Variants in PUM2 observed in about 807,000 individuals in gnomAD.
PUM2 encodes the protein pumilio homolog 2.
A neutral mutation model predicts 124.5 loss-of-function variants in PUM2; 57 were observed. The observed-to-expected ratio is 0.46, with a 90% CI of 0.37 to 0.57. The LOEUF is 0.57. PUM2 is among the 20% of genes least tolerant of loss of function. The pLI, the probability that PUM2 is intolerant of heterozygous loss-of-function variation, is 0.00. For missense variants in PUM2, 1,065 were observed against 1,290.6 expected, an observed-to-expected ratio of 0.83 and a Z score of 2.68; for synonymous variants, 460 against 446.1, an observed-to-expected ratio of 1.03 and a Z score of -0.39.
intron 1 of PUM2, among the ~76,000 whole-genome samples, chr2:20,337,849 C>G (rs561332076): frequency 6.6e-6 from 1 of 152,062 alleles, no homozygotes; most frequent in African/African-American, 2.4e-5. Flanking sequence ...AAGAGAATAA[C>G]AACAGAAATT....
chr2:20,313,238 A>G (rs759525472), intron 3 of PUM2, among the ~76,000 whole-genome samples: 1 of 152,248 alleles, frequency 6.6e-6, no homozygotes, highest in Non-Finnish European at 1.5e-5. Flanking sequence ...GAGCTTCCAC[A>G]CAGCAAGATA....
Position 20,278,760 on chromosome 2 carries a change from A to T in PUM2, c.1780T>A (p.Leu594Met). ...RRESLSTSSD[L>M]YKRSSSSLAP... The stretch of plus-strand genomic sequence containing the variant: ...AGGCTGCTACTAGATCTTTTGTACA[A>T]GTCAGAGCTAGTAGATAGAGACTCT... Residue 594 changes from leucine to methionine, a missense_variant, in exon 13 of 21, where the codon TTG becomes ATG. This residue lies in a region of PUM2 where 968 missense variants were observed against 1,159.8 expected (regional missense o/e 0.83). Coordinates refer to ENST00000361078, the MANE Select transcript of PUM2 (RefSeq NM_015317.5). 6.2e-7 allele frequency: 1 copy of T among 1,613,700 alleles called. No homozygotes were observed. The highest frequency in any genetic ancestry group is 1.1e-5 in the South Asian group (1 of 91,066).
At chr2:20,332,348 T>C (rs1685102790) in intron 1 of PUM2, among the ~76,000 whole-genome samples, 1 of 149,172 alleles carries the variant, frequency 6.7e-6, no homozygotes, top group African/African-American at 2.5e-5. Context: ...TTTCAGATCA[T>C]ATCTAAATGG....
intron 10 of PUM2, among the ~76,000 whole-genome samples, chr2:20,289,094 C>A (rs1453189894): frequency 6.6e-6 from 1 of 151,786 alleles, no homozygotes; most frequent in Non-Finnish European, 1.5e-5. Context: ...AGTTCAAGAC[C>A]AGCCGGCCAA....
At chr2:20,259,754 G>C (rs1665720344) in intron 15 of PUM2, among the ~76,000 whole-genome samples, 1 of 152,174 alleles carries the variant, frequency 6.6e-6, no homozygotes, top group African/African-American at 2.4e-5. Context: ...CTGGTGTTCA[G>C]GTTCCTGCTT....
In PUM2 at chr2:20,249,074, T is replaced by C. The variant is rs144272106; in HGVS notation, c.*2511A>G. On this transcript the variant is annotated 3_prime_UTR_variant, in exon 21 of 21. Transcript: ENST00000361078. ...AGCAGGCCTGAAAGTATTGGGAAGA[T>C]TGGGTTGTCAGCACTGGGACAAATG... 15 of 152,282 alleles carry C rather than the reference T, an allele frequency of 9.9e-5. No homozygotes were observed. Among genetic ancestry groups the C allele is most frequent in the African/African-American group, 3.6e-4 (15 of 41,546 alleles). The allele number at this position is 152,282 out of a possible 1,614,324, so 9.4% of individuals were successfully genotyped here.
intron 2 of PUM2, among the ~76,000 whole-genome samples, chr2:20,325,958 A>G (rs1683582313): frequency 6.6e-6 from 1 of 152,160 alleles, no homozygotes; most frequent in African/African-American, 2.4e-5. Context: ...AGCAAGTTCA[A>G]GTTTGTCATA....
chr2:20,254,888 C>A lies in PUM2; in HGVS notation c.2845G>T (p.Ala949Ser). 2 of 1,614,004 alleles carry A rather than the reference C, an allele frequency of 1.2e-6. No individual in the cohort carries two copies. Among genetic ancestry groups the A allele is most frequent in the Non-Finnish European group, 1.7e-6 (2 of 1,179,936 alleles). Reference sequence around the variant, plus strand: ...CTGGCAAATTTGTGTTGACTCAGGGCTAAAACCTTTCCCCTGATTTCGGAA... The same window carrying A: ...CTGGCAAATTTGTGTTGACTCAGGGATAAAACCTTTCCCCTGATTTCGGAA... Reference protein sequence around the residue: ...IVSEIRGKVLALSQHKFASNV... With the variant: ...IVSEIRGKVLSLSQHKFASNV... The change falls in exon 19 of 21, where the codon GCC becomes TCC. Residue 949 changes from alanine (A) to serine (S), a missense_variant. Ala to Ser is a moderately conservative substitution (Grantham distance 99). Transcript: ENST00000361078.
At chr2:20,281,271 G>C (rs1159220382) in intron 12 of PUM2, among the ~76,000 whole-genome samples, 1 of 152,150 alleles carries the variant, frequency 6.6e-6, no homozygotes, top group Non-Finnish European at 1.5e-5. Context: ...TGTAAATAAT[G>C]GAGGTGTGAA....
At position 20,270,300 on chromosome 2, in the gene PUM2, T is replaced by C. The variant is rs141322854; in HGVS notation, c.1958-6840A>G. Among the ~76,000 whole-genome samples, 490 of 152,346 alleles carry C rather than the reference T, an allele frequency of 3.2e-3. 2 individuals are homozygous for C. The highest frequency in any genetic ancestry group is 0.011 in the African/African-American group (478 of 41,576). ...CCATATCTGAATTTCCTTTTAAATATTCCAGCTGAGATTTCATGGCCAGTT... is the reference window on the plus strand; with the variant it reads ...CCATATCTGAATTTCCTTTTAAATACTCCAGCTGAGATTTCATGGCCAGTT... On this transcript the variant is annotated intron_variant, in intron 13 of 20. Transcript: ENST00000361078.
At chr2:20,321,357 T>G in intron 2 of PUM2, among the ~76,000 whole-genome samples, 1 of 152,184 alleles carries the variant, frequency 6.6e-6, no homozygotes, top group East Asian at 1.9e-4. Flanking sequence ...GAGGGGAGTC[T>G]GTAAACCACT....
At chr2:20,253,167 G>A (rs897620856) in intron 20 of PUM2, among the ~76,000 whole-genome samples, 3 of 152,144 alleles carry the variant, frequency 2.0e-5, no homozygotes, top group African/African-American at 4.8e-5. Context: ...ATAGGTAACA[G>A]ATGAGAAATG....
At chr2:20,351,076 C>G (rs1284759491), upstream of PUM2, among the ~76,000 whole-genome samples, 1 of 152,194 alleles carries the variant, frequency 6.6e-6, no homozygotes, top group Admixed American at 6.5e-5. Flanking sequence ...CTCCTGGGCT[C>G]CGCCGCGGCG....
chr2:20,324,007 T>C (rs1430207955), intron 2 of PUM2, among the ~76,000 whole-genome samples: 1 of 151,582 alleles, frequency 6.6e-6, no homozygotes, highest in Non-Finnish European at 1.5e-5. Flanking sequence ...ATGATAGTCT[T>C]CCTATTACAG....
intron 13 of PUM2, among the ~76,000 whole-genome samples, chr2:20,277,627 T>C (rs1670562332): frequency 6.6e-6 from 1 of 152,156 alleles, no homozygotes; most frequent in South Asian, 2.1e-4. Flanking sequence ...TTTTGTTTTT[T>C]TCTTTTAAAT....
intron 13 of PUM2, among the ~76,000 whole-genome samples, chr2:20,277,179 A>C (rs1396161457): frequency 2.0e-5 from 3 of 152,134 alleles, no homozygotes; most frequent in Non-Finnish European, 4.4e-5. Flanking sequence ...GGACATGACA[A>C]AATCTTAACA....
chr2:20,347,585 T>C (rs1688495859), intron 1 of PUM2, among the ~76,000 whole-genome samples: 1 of 152,232 alleles, frequency 6.6e-6, no homozygotes, highest in Non-Finnish European at 1.5e-5. Context: ...TATTGCCAAA[T>C]ATAAAAATCA....
chr2:20,255,327 T>C lies in PUM2; in HGVS notation c.2637A>G (p.Ser879=). The change falls in exon 18 of 21, where the codon TCA becomes TCG. Residue 879 remains serine (S), a synonymous_variant. Transcript: ENST00000361078. ...TTACTCTGCAGCCATAAGGATGAGT[T>C]GAAAGCACAAATACCTGAGGACAAT... ...DAFKGQVFVL[S]THPYGCRVIQ... 1 of 1,612,568 alleles carries C rather than the reference T, an allele frequency of 6.2e-7. No homozygotes were observed. Among genetic ancestry groups the C allele is most frequent in the Non-Finnish European group, 8.5e-7 (1 of 1,179,234 alleles).
chr2:20,296,076 C>T (rs552129603), intron 8 of PUM2, among the ~76,000 whole-genome samples: 2 of 152,308 alleles, frequency 1.3e-5, no homozygotes, highest in South Asian at 4.1e-4. Context: ...AAGCTCACAT[C>T]CTTATAGAAT....
Sources: allele counts gnomAD v4.1 joint callset (sites outside exome capture counted in the v4.1 genomes callset), GRCh38; gene constraint gnomAD v4.1.1; regional missense constraint gnomAD v4.1.1; transcripts MANE v1.5; gene names NCBI Gene and HGNC (gene_info 2026-07-23, HGNC 2026-07-21).